Variants in RTEL1 observed in about 807,000 individuals in gnomAD.
RTEL1 encodes the protein regulator of telomere elongation helicase 1, also known as regulator of telomere length.
Under a neutral mutation model 162.2 loss-of-function variants are expected in RTEL1, and 86 were observed. The observed-to-expected ratio is 0.53, with a 90% confidence interval of 0.45 to 0.63. RTEL1 has a LOEUF of 0.63. Ranked by LOEUF, RTEL1 falls within the 30% of genes least tolerant of loss-of-function variation. The pLI, the probability that RTEL1 is intolerant of heterozygous loss-of-function variation, is 0.00. For synonymous variants in RTEL1, 958 were observed against 717.9 expected (o/e 1.33, Z -5.35); for missense variants, 1,941 against 1,750.2 (o/e 1.11, Z -1.95).
Position 63,696,149 on chromosome 20 carries a change from G to A in RTEL1, c.*291G>A, listed in dbSNP as rs1477140501. On this transcript the variant is annotated 3_prime_UTR_variant, in exon 35 of 35. Coordinates refer to ENST00000360203, the MANE Select transcript of RTEL1 (RefSeq NM_001283009.2). ...TGAGTGGTGCCACAGGGGCACCCCA[G>A]CTGAGCCCCTCACCGGGAAGGAGGA... 1 of 498,608 alleles carries A rather than the reference G, an allele frequency of 2.0e-6. No individual in the cohort carries two copies. Among genetic ancestry groups the A allele is most frequent in the Non-Finnish European group, 3.6e-6 (1 of 280,320 alleles). The allele number at this position is 498,608 out of a possible 1,614,324, so 30.9% of individuals were successfully genotyped here. A position where few individuals can be genotyped will look rare whatever the true frequency, so the allele number is the denominator to read the frequency against.
At chr20:63,663,812 G>A (rs999469287) in intron 6 of RTEL1, among the ~76,000 whole-genome samples, 10 of 152,208 alleles carry the variant, frequency 6.6e-5, no homozygotes, top group Non-Finnish European at 1.3e-4. Flanking sequence ...TTTGCTGAGT[G>A]CTCAGTGTGC....
rs1357930914 is a variant in RTEL1 at position 63,693,254 on chromosome 20, A to T, written c.2963A>T (p.Gln988Leu). The T allele has an allele frequency of 1.2e-6, 2 of 1,611,928 alleles. No homozygotes were observed. Among genetic ancestry groups the T allele is most frequent in the Non-Finnish European group, 1.7e-6 (2 of 1,179,426 alleles). Residue 988 changes from glutamine (Q) to leucine (L), a missense_variant, in exon 30 of 35, where the codon CAG (glutamine) becomes CTG (leucine). By Grantham distance (113) the Gln-to-Leu change is moderately radical (BLOSUM62 -2). Coordinates refer to ENST00000360203, the MANE Select transcript of RTEL1 (RefSeq NM_001283009.2). The part of the protein sequence containing the change: ...YRPEHSIPRR[Q>L]RAQPVLDPTG... The stretch of plus-strand genomic sequence containing the variant: ...CCTGAGCACAGCATTCCCCGAAGGC[A>T]GCGGGCACAGCCGGTCCTGGACCCC...
At chr20:63,676,540 G>A (rs2090353203) in intron 10 of RTEL1, among the ~76,000 whole-genome samples, 1 of 152,208 alleles carries the variant, frequency 6.6e-6, no homozygotes, top group Admixed American at 6.5e-5. Flanking sequence ...ATGGCAGTGT[G>A]CTAATTCCAT....
At position 63,689,563 on chromosome 20, in the gene RTEL1, C is replaced by G; in HGVS notation, c.1940C>G (p.Pro647Arg). 6.2e-7 allele frequency: 1 copy of G among 1,611,892 alleles called. No homozygotes were observed. Among genetic ancestry groups the G allele is most frequent in the South Asian group, 1.1e-5 (1 of 90,870 alleles). Reference protein sequence around the residue: ...NGRGVIVTGLPYPPRMDPRVV... With the variant: ...NGRGVIVTGLRYPPRMDPRVV... ...CGTGGTGTGATTGTCACGGGCCTCC[C>G]GTACCCCCCACGCATGGACCCCCGG... is the stretch of plus-strand genomic sequence containing the variant. The change falls in exon 23 of 35, where the codon CCG becomes CGG. Residue 647 changes from proline to arginine, a missense_variant. By Grantham distance (103) the Pro-to-Arg change is moderately radical. Transcript: ENST00000360203.
intron 28 of RTEL1, 34 bp from the exon 29 acceptor site, chr20:63,692,771 G>A (rs745515224): frequency 2.8e-5 from 44 of 1,592,816 alleles, no homozygotes; most frequent in Non-Finnish European, 3.3e-5. Flanking sequence ...TGATGAGGCT[G>A]GCCCTGATGG....
At chr20:63,695,275 G>C in intron 33 of RTEL1, 53 bp from the exon 34 acceptor site, 1 of 1,599,282 alleles carries the variant, frequency 6.3e-7, no homozygotes. Context: ...CGCAGCCCTG[G>C]GAGTGAGCAG....
chr20:63,689,075 A>C lies in RTEL1; in HGVS notation c.1821A>C (p.Ala607=). ...TCCAGACCATCAGTGCTTACTATGC[A>C]AGGGTTGCCGCCCCTGGGTCCACCG... is the stretch of plus-strand genomic sequence containing the variant. ...SFSETISAYY[A]RVAAPGSTGA... is the part of the protein sequence containing the mutation. Residue 607 remains alanine (A), a synonymous_variant, in exon 22 of 35, where the codon GCA becomes GCC. Transcript: ENST00000360203. The C allele has an allele frequency of 6.2e-7, 1 of 1,610,958 alleles. No individual in the cohort carries two copies.
chr20:63,693,316 C>T (rs778636986), intron 30 of RTEL1, 33 bp downstream of exon 30: 12 of 1,609,416 alleles, frequency 7.5e-6, no homozygotes, highest in African/African-American at 4.0e-5. Context: ...CCCTCAGACT[C>T]CTGCGTGGAA....
rs186271954 is a variant in RTEL1 at position 63,668,137 on chromosome 20, C to T, written c.699+584C>T. On this transcript the variant is annotated intron_variant, in intron 8 of 34. Coordinates refer to ENST00000360203, the MANE Select transcript of RTEL1 (RefSeq NM_001283009.2). This position sits in a 1 kb window ranked among gnomAD's most constrained non-coding sequence, Gnocchi z 4.3. ...CTCCCCCCGCCAGCATGTGCCCGGCCCCACACTCAACTCCCCTCCTCCCAG... is the reference window on the plus strand; with the variant it reads ...CTCCCCCCGCCAGCATGTGCCCGGCTCCACACTCAACTCCCCTCCTCCCAG... Among the ~76,000 whole-genome samples, 1 of 151,204 alleles carries T rather than the reference C, an allele frequency of 6.6e-6. No homozygotes were observed. Among genetic ancestry groups the T allele is most frequent in the African/African-American group, 2.4e-5 (1 of 41,102 alleles).
intron 27 of RTEL1, 62 bp downstream of exon 27, chr20:63,691,009 C>T (rs935877519): frequency 1.6e-5 from 23 of 1,471,334 alleles, no homozygotes; most frequent in Middle Eastern, 2.4e-4. Context: ...AACCCGACCC[C>T]GCCCATCTGG....
intron 14 of RTEL1, chr20:63,681,512 C>G: frequency 3.0e-6 from 3 of 984,952 alleles, no homozygotes; most frequent in Non-Finnish European, 3.6e-6. Flanking sequence ...CTGCCCAGCG[C>G]TATGACAGCT....
Position 63,694,739 on chromosome 20 carries a change from A to T in RTEL1, c.3110-2A>T, listed in dbSNP as rs377461417. 5.0e-6 allele frequency: 8 copies of T among 1,598,490 alleles called. No individual in the cohort carries two copies. The African/African-American group carries it at 1.1e-4, about 21-fold the overall frequency. On this transcript the variant is annotated splice_acceptor_variant, in intron 31 of 34. Coordinates refer to ENST00000360203, the MANE Select transcript of RTEL1 (RefSeq NM_001283009.2). LOFTEE classifies it high-confidence loss of function. ...CTCTGAGCCATGCTACTCCCACACC[A>T]GGAGACCCTGGCAGCCAACCACAGT...
At chr20:63,662,079 C>T (rs1041921809) in intron 4 of RTEL1, 136 bp downstream of exon 4, 18 of 725,094 alleles carry the variant, frequency 2.5e-5, no homozygotes, top group African/African-American at 2.0e-4. Flanking sequence ...GTGTGCAGAG[C>T]GCTGGTGCCC....
intron 10 of RTEL1, among the ~76,000 whole-genome samples, chr20:63,676,063 CCTAT>C (rs1213744417): frequency 3.9e-5 from 6 of 151,978 alleles, no homozygotes; most frequent in African/African-American, 1.2e-4. Flanking sequence ...AGTTTTCATC[CCTAT>C]CTGTTCCCCC....
chr20:63,676,172 C>T (rs1054559927), intron 10 of RTEL1, among the ~76,000 whole-genome samples: 1 of 152,078 alleles, frequency 6.6e-6, no homozygotes, highest in Non-Finnish European at 1.5e-5. Context: ...GCAGCCTCCA[C>T]CTCTTGGGCT....
intron 30 of RTEL1, among the ~76,000 whole-genome samples, chr20:63,693,729 ACCTCCACCT>A (rs2090881838): frequency 1.3e-4 from 1 of 7,972 alleles, no homozygotes; most frequent in Non-Finnish European, 2.5e-4. Flanking sequence ...CTGCACCACC[ACCTCCACCT>A]CCACCACCAC....
chr20:63,659,351 C>T lies in RTEL1; in HGVS notation c.-52C>T. 7.2e-7 allele frequency: 1 copy of T among 1,398,212 alleles called. No individual in the cohort carries two copies. The highest frequency in any genetic ancestry group is 1.2e-5 in the South Asian group (1 of 86,186). 86.6% of individuals were successfully genotyped at this position (1,398,212 alleles called of 1,614,324 possible). On this transcript the variant is annotated 5_prime_UTR_variant, in exon 2 of 35. Coordinates refer to ENST00000360203, the MANE Select transcript of RTEL1 (RefSeq NM_001283009.2). Reference sequence around the variant, plus strand: ...TCGGAGTGGTTTTTTCGCACAGACCCGAATAGCCTGCCCCTCAGCCACGCT... The same window carrying T: ...TCGGAGTGGTTTTTTCGCACAGACCTGAATAGCCTGCCCCTCAGCCACGCT...
At chr20:63,681,977 A>T in intron 14 of RTEL1, 2 of 985,402 alleles carry the variant, frequency 2.0e-6, no homozygotes, top group Non-Finnish European at 2.4e-6. Flanking sequence ...TGCACCTATC[A>T]GGCGGACCTG....
At position 63,691,822 on chromosome 20, in the gene RTEL1, G is replaced by A. The variant is rs1338282928; in HGVS notation, c.2637G>A (p.Arg879=). 9 of 1,611,118 alleles carry A rather than the reference G, an allele frequency of 5.6e-6. No individual in the cohort carries two copies. In the African/African-American group the frequency reaches 1.2e-4, roughly 22 times the overall value. ...EEPRGGRKKI[R]LVSHPEEPVA... ...CGCGAGGAGGGAGGAAGAAGATCCG[G>A]CTGGTCAGCCACCCGGTGCGTGAGC... Residue 879 remains arginine, a synonymous_variant, in exon 28 of 35, where the codon CGG becomes CGA. Coordinates refer to ENST00000360203, the MANE Select transcript of RTEL1 (RefSeq NM_001283009.2).
Sources: allele counts gnomAD v4.1 joint callset (sites outside exome capture counted in the v4.1 genomes callset), GRCh38; gene constraint gnomAD v4.1.1; non-coding constraint Gnocchi (gnomAD v3.1); transcripts MANE v1.5; gene names NCBI Gene and HGNC (gene_info 2026-07-23, HGNC 2026-07-21).